TMEM52B: variants seen among roughly 807,000 people sequenced by gnomAD.
The protein encoded by TMEM52B is chromosome 12 open reading frame 59.
Under a neutral mutation model 16.1 loss-of-function variants are expected in TMEM52B, and 11 were observed. The ratio of observed to expected loss-of-function variants is 0.68; its 90% CI spans 0.43 to 1.13. The LOEUF is 1.13. Ranked by LOEUF, TMEM52B falls within the 50% of genes most tolerant of loss-of-function variation. The pLI, the probability that TMEM52B is intolerant of heterozygous loss-of-function variation, is 0.00. For missense variants in TMEM52B, 243 were observed against 230.4 expected, an observed-to-expected ratio of 1.05 and a Z score of -0.35; for synonymous variants, 101 against 93.8, an observed-to-expected ratio of 1.08 and a Z score of -0.45.
intron 1 of TMEM52B, chr12:10,172,371 G>A: frequency 3.8e-6 from 1 of 261,214 alleles, no homozygotes; most frequent in South Asian, 6.8e-5. Context: ...TCAGAGGAGA[G>A]ATATTGTACC....
intron 3 of TMEM52B, among the ~76,000 whole-genome samples, chr12:10,186,119 C>T (rs902213848): frequency 1.3e-5 from 2 of 151,978 alleles, no homozygotes; most frequent in African/African-American, 2.4e-5. Flanking sequence ...CGTGCCACTT[C>T]ACTCCAGCCT....
At chr12:10,185,200 A>C (rs1948866713) in intron 2 of TMEM52B, 130 bp from the exon 3 acceptor site, 1 of 700,958 alleles carries the variant, frequency 1.4e-6, no homozygotes, top group East Asian at 2.6e-5. Context: ...GTGAATTTTA[A>C]AAACATAACC....
At chr12:10,188,515 AGG>A in intron 4 of TMEM52B, among the ~76,000 whole-genome samples, 1 of 129,202 alleles carries the variant, frequency 7.7e-6, no homozygotes, top group Non-Finnish European at 1.6e-5. Context: ...GAAGGAAGGA[AGG>A]AAGGAAGGAA....
intron 3 of TMEM52B, among the ~76,000 whole-genome samples, chr12:10,185,982 G>A (rs1004932257): frequency 5.7e-4 from 86 of 152,034 alleles, no homozygotes; most frequent in African/African-American, 1.7e-3. Flanking sequence ...CAGAGGTTGC[G>A]GTGAGCTGAA....
chr12:10,178,088 G>T (rs113181367), upstream of TMEM52B, among the ~76,000 whole-genome samples: 9,742 of 151,360 alleles, frequency 0.064, 438 homozygotes, highest in South Asian at 0.19. Flanking sequence ...TAGAGAAAGG[G>T]TTTCATCATG....
At chr12:10,177,783 A>AATG (rs1948777808), upstream of TMEM52B, among the ~76,000 whole-genome samples, 1 of 85,768 alleles carries the variant, frequency 1.2e-5, no homozygotes. Context: ...TAATAATAAT[A>AATG]ATAATAATAA....
chr12:10,174,048 TTTTG>T (rs35635554), upstream of TMEM52B, among the ~76,000 whole-genome samples: 18 of 150,512 alleles, frequency 1.2e-4, no homozygotes, highest in East Asian at 1.0e-3. Context: ...ATTTCATGTG[TTTTG>T]TTTGTTTGTT....
At chr12:10,188,094 C>T (rs1176370750) in intron 4 of TMEM52B, among the ~76,000 whole-genome samples, 1 of 151,552 alleles carries the variant, frequency 6.6e-6, no homozygotes, top group Non-Finnish European at 1.5e-5. Flanking sequence ...CAGAGAAAGA[C>T]CCTGTCTCAA....
intron 1 of TMEM52B, chr12:10,172,542 T>C (rs1224747678): frequency 6.4e-6 from 1 of 155,102 alleles, no homozygotes; most frequent in Non-Finnish European, 1.4e-5. Flanking sequence ...ATCAGATATA[T>C]TCTCTTTTGA....
At chr12:10,188,095 C>A (rs901702900) in intron 4 of TMEM52B, among the ~76,000 whole-genome samples, 2 of 151,424 alleles carry the variant, frequency 1.3e-5, no homozygotes, top group African/African-American at 2.4e-5. Context: ...AGAGAAAGAC[C>A]CTGTCTCAAA....
At position 10,186,523 on chromosome 12, in the gene TMEM52B, C is replaced by A; in HGVS notation, c.241C>A (p.Pro81Thr). 1 of 1,610,074 alleles carries A rather than the reference C, an allele frequency of 6.2e-7. No homozygotes were observed. The highest frequency in any genetic ancestry group is 1.3e-5 in the African/African-American group (1 of 75,000). Residue 81 changes from proline to threonine, a missense_variant, in exon 4 of 5, where the codon CCA becomes ACA. Coordinates refer to ENST00000543484, the MANE Select transcript of TMEM52B (RefSeq NM_001384896.1). ...SRQQNGEDGG[P>T]PPCEVTVIAF... ...CCAGCAAAATGGGGAAGATGGGGGC[C>A]CACCACCCTGTGAAGTGACCGTCAT...
In TMEM52B at chr12:10,190,160, A is replaced by G. The variant is rs778540514; in HGVS notation, c.*20A>G. 5 of 1,613,842 alleles carry G rather than the reference A, an allele frequency of 3.1e-6. No homozygotes were observed. The highest frequency in any genetic ancestry group is 2.7e-5 in the African/African-American group (2 of 74,902). ...AACTGATGAGAGCTGTCATTTTATA[A>G]ATAGGAGTGGAGTGATGTCCAGAGT... On this transcript the variant is annotated 3_prime_UTR_variant, in exon 5 of 5. Coordinates refer to ENST00000543484, the MANE Select transcript of TMEM52B (RefSeq NM_001384896.1).
In TMEM52B at chr12:10,189,957, C is replaced by T; in HGVS notation, c.369C>T (p.Ser123=). 1 of 1,614,204 alleles carries T rather than the reference C, an allele frequency of 6.2e-7. No individual in the cohort carries two copies. Among genetic ancestry groups the T allele is most frequent in the Middle Eastern group, 1.7e-4 (1 of 6,052 alleles). ...RRILAVAHSH[S]SLGQLPSSLD... ...TCCTGGCTGTGGCTCACTCCCACAG[C>T]TCCCTGGGCCAGCTGCCCTCCTCTT... The change falls in exon 5 of 5, where the codon AGC becomes AGT. Residue 123 remains serine (S), a synonymous_variant. Coordinates refer to ENST00000543484, the MANE Select transcript of TMEM52B (RefSeq NM_001384896.1).
intron 1 of TMEM52B, among the ~76,000 whole-genome samples, chr12:10,172,720 G>A (rs1212713689): frequency 6.6e-6 from 1 of 152,150 alleles, no homozygotes. Context: ...AATGCAGAAA[G>A]AGCTAGTTTC....
intron 3 of TMEM52B, among the ~76,000 whole-genome samples, chr12:10,186,074 G>A (rs997407830): frequency 3.3e-5 from 5 of 151,798 alleles, no homozygotes; most frequent in African/African-American, 1.2e-4. Flanking sequence ...GTGGTGGCAT[G>A]TGCCTATAGT....
chr12:10,189,072 A>G (rs1465477241), intron 4 of TMEM52B, among the ~76,000 whole-genome samples: 2 of 145,246 alleles, frequency 1.4e-5, no homozygotes, highest in East Asian at 2.0e-4. Flanking sequence ...ACGTTGGCAC[A>G]TGCCTGTAAT....
At position 10,186,468 on chromosome 12, in the gene TMEM52B, C is replaced by A; in HGVS notation, c.186C>A (p.Ser62=). 6.2e-7 allele frequency: 1 copy of A among 1,612,536 alleles called. No homozygotes were observed. Among genetic ancestry groups the A allele is most frequent in the Non-Finnish European group, 8.5e-7 (1 of 1,178,788 alleles). ...TGCTTCTCCTGTGTGGCCTGACGTC[C>A]CTGTGCTTCCGCTGCTGCTGTCTGA... ...GALLLLCGLT[S]LCFRCCCLSR... Residue 62 remains serine, a synonymous_variant, in exon 4 of 5, where the codon TCC becomes TCA. Coordinates refer to ENST00000543484, the MANE Select transcript of TMEM52B (RefSeq NM_001384896.1).
At chr12:10,181,886 G>T (rs1007384768) in intron 1 of TMEM52B, among the ~76,000 whole-genome samples, 1 of 151,078 alleles carries the variant, frequency 6.6e-6, no homozygotes, top group Non-Finnish European at 1.5e-5. Flanking sequence ...AATTAACCAG[G>T]CGTGGTGGCA....
chr12:10,172,068 CA>C, intron 1 of TMEM52B: 2 of 1,613,264 alleles, frequency 1.2e-6, no homozygotes, highest in East Asian at 2.2e-5. Flanking sequence ...TTTAGGTCAT[CA>C]AAAGTCATTT....
Sources: allele counts gnomAD v4.1 joint callset (sites outside exome capture counted in the v4.1 genomes callset), GRCh38; gene constraint gnomAD v4.1.1; transcripts MANE v1.5; gene names NCBI Gene and HGNC (gene_info 2026-07-23, HGNC 2026-07-21).